The following LDB3 variants were observed in gnomAD, a reference collection of about 807,000 sequenced individuals.
The protein encoded by LDB3 is LIM domain binding 3, also known as LIM domain-binding protein 3.
A neutral mutation model predicts 69.0 loss-of-function variants in LDB3; 49 were observed. The observed-to-expected ratio is 0.71, with a 90% confidence interval of 0.56 to 0.90. The LOEUF is 0.90. LDB3 is among the 40% of genes least tolerant of loss of function. The pLI is 0.00. For missense variants in LDB3, 928 were observed against 974.1 expected, an observed-to-expected ratio of 0.95 and a Z score of 0.63; for synonymous variants, 387 against 396.2, an observed-to-expected ratio of 0.98 and a Z score of 0.28.
intron 7 of LDB3, among the ~76,000 whole-genome samples, chr10:86,702,089 T>C (rs548102406): frequency 6.6e-6 from 1 of 152,284 alleles, no homozygotes; most frequent in East Asian, 1.9e-4. Flanking sequence ...AGGTGGAACA[T>C]AGACCAGGTG....
At chr10:86,725,781 A>G (rs1417947547) in intron 12 of LDB3, among the ~76,000 whole-genome samples, 1 of 152,216 alleles carries the variant, frequency 6.6e-6, no homozygotes, top group Non-Finnish European at 1.5e-5. Flanking sequence ...CAAACTAAGC[A>G]TAGATGTTTG....
chr10:86,671,548 G>C (rs940762594), intron 2 of LDB3, among the ~76,000 whole-genome samples: 1 of 151,962 alleles, frequency 6.6e-6, no homozygotes, highest in Non-Finnish European at 1.5e-5. Context: ...GTGTGGCTGG[G>C]CCTGCAACAT....
intron 7 of LDB3, 85 bp downstream of exon 7, chr10:86,692,656 A>G (rs1161299695): frequency 9.1e-6 from 11 of 1,203,226 alleles, no homozygotes; most frequent in Non-Finnish European, 1.2e-5. Flanking sequence ...CACTCATGGA[A>G]GGGACCTCTC....
At chr10:86,691,839 AG>A (rs1845775626) in intron 5 of LDB3, 56 bp from the exon 6 acceptor site, 1 of 1,595,028 alleles carries the variant, frequency 6.3e-7, no homozygotes, top group Non-Finnish European at 8.6e-7. Context: ...GGGACCCAGC[AG>A]GGTGGGAACT....
chr10:86,671,622 A>AG (rs1239767987), intron 2 of LDB3, among the ~76,000 whole-genome samples: 5 of 152,176 alleles, frequency 3.3e-5, no homozygotes, highest in Admixed American at 3.3e-4. Context: ...AGCAGCCCAG[A>AG]GAGGGAGCAG....
At position 86,724,150 on chromosome 10, in the gene LDB3, A is replaced by C. The variant is rs146691488; in HGVS notation, c.1979-1987A>C. 6.6e-4 allele frequency among the ~76,000 whole-genome samples: 101 copies of C among 152,082 alleles called. 2 individuals carry two copies. In the East Asian group the frequency reaches 0.019, roughly 28 times the overall value. On this transcript the variant is annotated intron_variant, in intron 12 of 13. Coordinates refer to ENST00000361373, the MANE Select transcript of LDB3 (RefSeq NM_007078.3). ...AAATGGTGAAACCCCGTCTCTACTG[A>C]AAATACAAAAATTAGCCAGGCGTGG...
chr10:86,675,835 C>T (rs1844765402), intron 2 of LDB3, among the ~76,000 whole-genome samples: 1 of 152,142 alleles, frequency 6.6e-6, no homozygotes, highest in Admixed American at 6.5e-5. Flanking sequence ...TAGAAATCTG[C>T]AAAAATGTCT....
At chr10:86,714,452 A>C (rs909267076) in intron 9 of LDB3, among the ~76,000 whole-genome samples, 1 of 152,188 alleles carries the variant, frequency 6.6e-6, no homozygotes, top group African/African-American at 2.4e-5. Context: ...AGTGACCTCA[A>C]GTGTAAAGAG....
intron 7 of LDB3, among the ~76,000 whole-genome samples, chr10:86,698,741 C>T (rs1340550776): frequency 1.3e-5 from 2 of 152,148 alleles, no homozygotes; most frequent in Non-Finnish European, 2.9e-5. Flanking sequence ...TCTCTGGGGA[C>T]AGTGAGGCTT....
In LDB3 at chr10:86,716,200, A is replaced by G. The variant is rs964382819; in HGVS notation, c.1232-127A>G. On this transcript the variant is annotated intron_variant, in intron 9 of 13. Coordinates refer to ENST00000361373, the MANE Select transcript of LDB3 (RefSeq NM_007078.3). ...AAGAAGTTCAGGAACAAGTCTCCCA[A>G]AAAAACTGAAATTGTACTGCTCTAA... is the stretch of plus-strand genomic sequence containing the variant. 65 of 1,166,554 alleles carry G rather than the reference A, an allele frequency of 5.6e-5. No individual in the cohort carries two copies. In the Middle Eastern group the frequency reaches 1.1e-3, roughly 20 times the overall value. 72.3% of individuals were successfully genotyped at this position (1,166,554 alleles called of 1,614,324 possible).
Position 86,699,339 on chromosome 10 carries a change from G to T in LDB3, c.896+6768G>T, listed in dbSNP as rs771037817. ...TGCCAAATTGCGCAACTGGCACCAT[G>T]GCCTTTCAGCCCAAATCCTTAATGT... is the stretch of plus-strand genomic sequence containing the variant. On this transcript the variant is annotated intron_variant, in intron 7 of 13. Transcript: ENST00000361373. The surrounding 1 kb of genome is among the most constrained non-coding windows in gnomAD (Gnocchi z 4.9). 6.2e-7 allele frequency: 1 copy of T among 1,613,654 alleles called. No homozygotes were observed. The highest frequency in any genetic ancestry group is 8.5e-7 in the Non-Finnish European group (1 of 1,179,946).
At chr10:86,676,720 C>T (rs967975047) in intron 2 of LDB3, among the ~76,000 whole-genome samples, 4 of 152,240 alleles carry the variant, frequency 2.6e-5, no homozygotes, top group African/African-American at 9.6e-5. Context: ...GTAATGTGGT[C>T]GTGCAGAAAC....
chr10:86,728,586 G>GTTTTTTTTTTGTTT lies in LDB3; in HGVS notation c.2094+2344_2094+2345insGTTTTTTTTTTTTT, dbSNP rs769237064. ...TAGCAAAGTGGAACATGGTTCTTTT[G>GTTTTTTTTTTGTTT]TTTTTTTTTTTTTTTGAGACAAAGT... On this transcript the variant is annotated intron_variant, in intron 13 of 13. Coordinates refer to ENST00000361373, the MANE Select transcript of LDB3 (RefSeq NM_007078.3). Among the ~76,000 whole-genome samples the GTTTTTTTTTTGTTT allele has an allele frequency of 2.4e-3, 314 of 131,440 alleles. 1 individual carries two copies. The highest frequency in any genetic ancestry group is 8.2e-3 in the African/African-American group (291 of 35,392). The allele number at this position is 131,440 out of a possible 152,430, so 86.2% of individuals were successfully genotyped here.
In LDB3 at chr10:86,681,654, A is replaced by G. The variant is rs1283051092; in HGVS notation, c.540A>G (p.Leu180=). Residue 180 remains leucine (L), a synonymous_variant, in exon 5 of 14, where the codon CTA becomes CTG. Coordinates refer to ENST00000361373, the MANE Select transcript of LDB3 (RefSeq NM_007078.3). ...AKTSPEGARD[L]LGPKALPGSS... ...CCAGCCCAGAGGGGGCCCGGGACCT[A>G]CTCGGCCCAAAAGCCCTGCCGGGCT... 2 of 1,613,024 alleles carry G rather than the reference A, an allele frequency of 1.2e-6. No individual in the cohort carries two copies. Among genetic ancestry groups the G allele is most frequent in the Non-Finnish European group, 1.7e-6 (2 of 1,179,856 alleles).
At chr10:86,721,860 T>C (rs1375926936) in intron 12 of LDB3, among the ~76,000 whole-genome samples, 1 of 152,176 alleles carries the variant, frequency 6.6e-6, no homozygotes, top group Non-Finnish European at 1.5e-5. Flanking sequence ...CACCTGCAAT[T>C]TGATGGACAG....
At chr10:86,700,116 G>T in intron 7 of LDB3, 1 of 953,372 alleles carries the variant, frequency 1.0e-6, no homozygotes. Context: ...GCATGATCTG[G>T]GACAGAGAGA....
At chr10:86,685,189 T>G (rs966329924) in intron 5 of LDB3, among the ~76,000 whole-genome samples, 3 of 152,176 alleles carry the variant, frequency 2.0e-5, no homozygotes, top group Admixed American at 2.0e-4. Context: ...TCCTTACCAC[T>G]GCAATGCCTG....
rs1564643146 is a variant in LDB3 at position 86,692,063 on chromosome 10, T to C, written c.857T>C (p.Phe286Ser). Residue 286 changes from phenylalanine to serine, a missense_variant and splice_region_variant, in exon 6 of 14, where the codon TTC becomes TCC. Physicochemically the swap from Phe to Ser is radical, Grantham distance 155. Transcript: ENST00000361373. ...CTGGCCCAGATGACGGGGACAGAAT[T>C]CAGTGAGTGCAGGCTCTCAGGGTGG... ...RILAQMTGTE[F>S]MQDPDEEALR... 3 of 1,613,992 alleles carry C rather than the reference T, an allele frequency of 1.9e-6. No individual in the cohort carries two copies. In the South Asian group the frequency reaches 3.3e-5, roughly 18 times the overall value.
At chr10:86,676,654 C>A (rs1589613234) in intron 2 of LDB3, among the ~76,000 whole-genome samples, 1 of 151,840 alleles carries the variant, frequency 6.6e-6, no homozygotes. Context: ...TTGGAGAGGG[C>A]TGTCCTGGTC....
Sources: gnomAD v4.1 joint callset for allele counts (sites outside exome capture counted in the v4.1 genomes callset) on GRCh38, gnomAD v4.1.1 for gene constraint, Gnocchi (gnomAD v3.1) non-coding constraint, MANE v1.5 for transcripts, NCBI Gene and HGNC (gene_info 2026-07-23, HGNC 2026-07-21) for gene names.